B4GALT5: variants seen among roughly 807,000 people sequenced by gnomAD.
B4GALT5 encodes beta-1,4-galactosyltransferase 5, also known as UDP-Gal:beta-GlcNAc beta-1,4-galactosyltransferase 5.
In B4GALT5, 11 loss-of-function variants were observed where a neutral mutation model predicts 45.0. The observed-to-expected ratio is 0.24, with a 90% CI of 0.15 to 0.40. The LOEUF is 0.40. B4GALT5 is among the 10% of genes least tolerant of loss of function. B4GALT5 has a pLI of 1.00. For synonymous variants in B4GALT5, 185 were observed against 182.9 expected (o/e 1.01, Z -0.09); for missense variants, 337 against 500.2 (o/e 0.67, Z 3.11).
intron 1 of B4GALT5, among the ~76,000 whole-genome samples, chr20:49,713,162 A>G: frequency 7.0e-6 from 1 of 142,800 alleles, no homozygotes; most frequent in Non-Finnish European, 1.5e-5. Flanking sequence ...GCCGCGGGGG[A>G]CTGGGGTGCG....
rs1311860941 is a variant in B4GALT5 at position 49,636,268 on chromosome 20, C to G, written c.*44G>C. On this transcript the variant is annotated 3_prime_UTR_variant, in exon 9 of 9. Transcript: ENST00000371711. ...TCCAAAAAAAAATCTCATCGGACTGCTTTCTTGGTGGCGGTGGGTAAAGCA... is the reference window on the plus strand; with the variant it reads ...TCCAAAAAAAAATCTCATCGGACTGGTTTCTTGGTGGCGGTGGGTAAAGCA... 2.5e-6 allele frequency: 4 copies of G among 1,608,014 alleles called. No individual in the cohort carries two copies. The South Asian group carries it at 4.4e-5, about 18-fold the overall frequency.
intron 1 of B4GALT5, among the ~76,000 whole-genome samples, chr20:49,678,963 A>G (rs890966695): frequency 6.6e-6 from 1 of 152,160 alleles, no homozygotes; most frequent in African/African-American, 2.4e-5. Flanking sequence ...TAATTACATT[A>G]ATTTAATCCC....
At chr20:49,704,551 C>T (rs2146361713) in intron 1 of B4GALT5, among the ~76,000 whole-genome samples, 1 of 151,574 alleles carries the variant, frequency 6.6e-6, no homozygotes, top group Non-Finnish European at 1.5e-5. Flanking sequence ...AACCCCGTCT[C>T]TACTAAAAAT....
intron 1 of B4GALT5, among the ~76,000 whole-genome samples, chr20:49,672,415 T>C (rs2085719802): frequency 6.6e-6 from 1 of 152,210 alleles, no homozygotes; most frequent in African/African-American, 2.4e-5. Flanking sequence ...AAACAAAGTC[T>C]TTCCTTAACA....
chr20:49,710,182 A>G (rs2085901868), intron 1 of B4GALT5, among the ~76,000 whole-genome samples: 1 of 152,220 alleles, frequency 6.6e-6, no homozygotes, highest in South Asian at 2.1e-4. Context: ...AGCACAATGT[A>G]GCCACAGGGT....
chr20:49,702,248 G>A (rs1051884777), intron 1 of B4GALT5, among the ~76,000 whole-genome samples: 9 of 151,954 alleles, frequency 5.9e-5, no homozygotes, highest in East Asian at 1.9e-4. Context: ...ACTTAAACAC[G>A]TTAGAGCAAG....
Position 49,636,344 on chromosome 20 carries a change from T to C in B4GALT5, c.1135A>G (p.Thr379Ala). ...TCGTTCACCTGAGCCAGCTCGGGTG[T>C]CAGGTTGACAGTTATGTTTTTATAC... ...ALYKNITVNL[T>A]PELAQVNEY The change falls in exon 9 of 9, where the codon ACA becomes GCA. Residue 379 changes from threonine to alanine, a missense_variant. Around this residue, in one of 2 missense-constraint regions of B4GALT5, gnomAD observed 163 missense variants for 292.8 expected, o/e 0.56. Transcript: ENST00000371711. The C allele has an allele frequency of 6.2e-7, 1 of 1,614,088 alleles. No individual in the cohort carries two copies. Among genetic ancestry groups the C allele is most frequent in the Non-Finnish European group, 8.5e-7 (1 of 1,179,988 alleles).
intron 1 of B4GALT5, among the ~76,000 whole-genome samples, chr20:49,673,051 G>T (rs2085722506): frequency 6.6e-6 from 1 of 151,996 alleles, no homozygotes; most frequent in Non-Finnish European, 1.5e-5. Context: ...AATTTAAATC[G>T]AATCAAGCTC....
chr20:49,641,052 C>T (rs550251812), intron 5 of B4GALT5, among the ~76,000 whole-genome samples: 1 of 152,180 alleles, frequency 6.6e-6, no homozygotes, highest in Non-Finnish European at 1.5e-5. Context: ...GAGGCGGAGG[C>T]TGCAGTGAGC....
At chr20:49,678,286 C>A (rs2085748546) in intron 1 of B4GALT5, among the ~76,000 whole-genome samples, 1 of 152,194 alleles carries the variant, frequency 6.6e-6, no homozygotes, top group Non-Finnish European at 1.5e-5. Context: ...CAGAGCAAGT[C>A]CAAGGCAATC....
intron 1 of B4GALT5, among the ~76,000 whole-genome samples, chr20:49,705,972 G>C (rs980892143): frequency 6.7e-6 from 1 of 150,170 alleles, no homozygotes; most frequent in African/African-American, 2.5e-5. Flanking sequence ...CTGAGGTCTG[G>C]AGTTAGAGAC....
chr20:49,667,544 C>T lies in B4GALT5; in HGVS notation c.116-10842G>A, dbSNP rs570118196. Among the ~76,000 whole-genome samples, 40 of 151,384 alleles carry T rather than the reference C, an allele frequency of 2.6e-4. 1 individual carries two copies. The highest frequency in any genetic ancestry group is 7.3e-4 in the African/African-American group (30 of 41,228). On this transcript the variant is annotated intron_variant, in intron 1 of 8. Coordinates refer to ENST00000371711, the MANE Select transcript of B4GALT5 (RefSeq NM_004776.4). ...CTGGGATTACAGGTGTGAGCCACCGCGCCCGGCCTGTTGTTGTTTTTGACA... is the reference window on the plus strand; with the variant it reads ...CTGGGATTACAGGTGTGAGCCACCGTGCCCGGCCTGTTGTTGTTTTTGACA...
intron 7 of B4GALT5, 150 bp from the exon 8 acceptor site, chr20:49,637,592 A>G (rs1470979726): frequency 1.6e-6 from 1 of 623,076 alleles, no homozygotes; most frequent in Non-Finnish European, 2.9e-6. Flanking sequence ...TCATTTCTTA[A>G]AAACTGAGTT....
At chr20:49,650,074 C>T (rs2085615355) in intron 2 of B4GALT5, among the ~76,000 whole-genome samples, 1 of 152,140 alleles carries the variant, frequency 6.6e-6, no homozygotes, top group Non-Finnish European at 1.5e-5. Flanking sequence ...CAAGATATCA[C>T]TAACTCTAAT....
In B4GALT5 at chr20:49,635,235, C is replaced by G. The variant is rs1296322073; in HGVS notation, c.*1077G>C. On this transcript the variant is annotated 3_prime_UTR_variant, in exon 9 of 9. Coordinates refer to ENST00000371711, the MANE Select transcript of B4GALT5 (RefSeq NM_004776.4). ...GATTCCCATACACACCCCCGCCCCC[C>G]GCCCCCCGCCCCGCCATGCTGATGA... 7.3e-6 allele frequency: 1 copy of G among 136,284 alleles called. No homozygotes were observed. The highest frequency in any genetic ancestry group is 2.7e-5 in the African/African-American group (1 of 36,890). 8.4% of individuals were successfully genotyped at this position (136,284 alleles called of 1,614,324 possible). A position where few individuals can be genotyped will look rare whatever the true frequency, so the allele number is the denominator to read the frequency against.
chr20:49,709,402 ACT>A (rs1202665564), intron 1 of B4GALT5, among the ~76,000 whole-genome samples: 3 of 152,002 alleles, frequency 2.0e-5, no homozygotes, highest in African/African-American at 7.2e-5. Context: ...TCTCTCTTTC[ACT>A]CTCTCACTTT....
intron 1 of B4GALT5, among the ~76,000 whole-genome samples, chr20:49,680,961 A>G (rs534901935): frequency 2.0e-5 from 3 of 152,136 alleles, no homozygotes; most frequent in Admixed American, 6.5e-5. Flanking sequence ...TTATAATTTA[A>G]TAAGTTCCAG....
At position 49,713,677 on chromosome 20, in the gene B4GALT5, C is replaced by T; in HGVS notation, c.14G>A (p.Arg5Gln). 1.3e-6 allele frequency: 2 copies of T among 1,502,782 alleles called. No homozygotes were observed. The highest frequency in any genetic ancestry group is 1.4e-5 in the African/African-American group (1 of 69,330). The allele number at this position is 1,502,782 out of a possible 1,614,324, so 93.1% of individuals were successfully genotyped here. A position where few individuals can be genotyped will look rare whatever the true frequency, so the allele number is the denominator to read the frequency against. The stretch of plus-strand genomic sequence containing the variant: ...GCGGCGCGGCAGCCGCAGCAGCCCC[C>T]GGCGGGCGCGCATGCTGCAGCCAGG... MRARRGLLRLPRRSL... is the reference protein window; with the variant it reads MRARQGLLRLPRRSL... The change falls in exon 1 of 9, where the codon CGG (arginine) becomes CAG (glutamine). Residue 5 changes from arginine to glutamine, a missense_variant. By Grantham distance (43) the Arg-to-Gln change is conservative. Around this residue, in one of 2 missense-constraint regions of B4GALT5, gnomAD observed 174 missense variants for 207.4 expected, o/e 0.84. Coordinates refer to ENST00000371711, the MANE Select transcript of B4GALT5 (RefSeq NM_004776.4).
intron 1 of B4GALT5, among the ~76,000 whole-genome samples, chr20:49,662,023 G>A (rs190325270): frequency 6.0e-4 from 91 of 152,188 alleles, no homozygotes; most frequent in Non-Finnish European, 1.0e-3. Flanking sequence ...GACAGCTTCC[G>A]GGGGCGAAGG....
Sources: allele counts gnomAD v4.1 joint callset (sites outside exome capture counted in the v4.1 genomes callset), GRCh38; gene constraint gnomAD v4.1.1; regional missense constraint gnomAD v4.1.1; transcripts MANE v1.5; gene names NCBI Gene and HGNC (gene_info 2026-07-23, HGNC 2026-07-21).